Variants in CA10 observed in about 807,000 individuals in gnomAD.
CA10 encodes carbonic anhydrase-related protein 10.
Under a neutral mutation model 44.2 loss-of-function variants are expected in CA10, and 14 were observed. The ratio of observed to expected loss-of-function variants is 0.32; its 90% CI spans 0.21 to 0.50. The LOEUF is 0.50. Ranked by LOEUF, CA10 falls within the 20% of genes least tolerant of loss-of-function variation. The pLI is 0.99. For synonymous variants in CA10, 159 were observed against 141.6 expected (o/e 1.12, Z -0.87); for missense variants, 350 against 409.7 (o/e 0.85, Z 1.26).
chr17:51,777,112 A>C (rs967985249), intron 3 of CA10, among the ~76,000 whole-genome samples: 2 of 152,238 alleles, frequency 1.3e-5, no homozygotes, highest in Non-Finnish European at 2.9e-5. Flanking sequence ...GAGAGAAATC[A>C]AATATGATTT....
At chr17:52,123,950 A>G (rs1989066795) in intron 1 of CA10, among the ~76,000 whole-genome samples, 2 of 152,194 alleles carry the variant, frequency 1.3e-5, no homozygotes, top group South Asian at 4.2e-4. Context: ...AAGAACAATC[A>G]TTAAGAGACA....
intron 4 of CA10, among the ~76,000 whole-genome samples, chr17:51,734,183 G>C (rs991231250): frequency 2.7e-5 from 4 of 146,534 alleles, no homozygotes; most frequent in African/African-American, 5.0e-5. Flanking sequence ...TTGGTTGGGG[G>C]GGGGGGGTTC....
chr17:51,661,815 A>C (rs1309475455), intron 4 of CA10: 1 of 152,258 alleles, frequency 6.6e-6, no homozygotes, highest in Non-Finnish European at 1.5e-5. Flanking sequence ...CGAATGGCTC[A>C]TACTGTAATT....
At chr17:51,750,966 G>A (rs1904871192) in intron 3 of CA10, among the ~76,000 whole-genome samples, 1 of 152,204 alleles carries the variant, frequency 6.6e-6, no homozygotes, top group Admixed American at 6.5e-5. Flanking sequence ...ACTGGCACAA[G>A]TAGGTGGAAA....
intron 3 of CA10, among the ~76,000 whole-genome samples, chr17:51,887,239 G>A (rs1234874023): frequency 6.6e-6 from 1 of 151,900 alleles, no homozygotes; most frequent in Non-Finnish European, 1.5e-5. Flanking sequence ...TCAAGTTAGG[G>A]TCTTCTTAAA....
At chr17:51,727,121 C>G (rs1916553109) in intron 4 of CA10, among the ~76,000 whole-genome samples, 1 of 152,156 alleles carries the variant, frequency 6.6e-6, no homozygotes, top group Admixed American at 6.5e-5. Flanking sequence ...TTGGGGGAGG[C>G]AAGTTTGTAT....
chr17:51,684,412 G>A (rs573037083), intron 4 of CA10, among the ~76,000 whole-genome samples: 33 of 152,278 alleles, frequency 2.2e-4, no homozygotes, highest in East Asian at 2.1e-3. Flanking sequence ...CACCCCCACC[G>A]TTCCCAGTGT....
chr17:52,026,980 G>T (rs1373438848), intron 2 of CA10, among the ~76,000 whole-genome samples: 1 of 151,982 alleles, frequency 6.6e-6, no homozygotes, highest in Non-Finnish European at 1.5e-5. Context: ...TTTATTGTGT[G>T]CTTGATTTCT....
At chr17:52,096,644 T>C (rs770147228) in intron 1 of CA10, among the ~76,000 whole-genome samples, 2 of 152,152 alleles carry the variant, frequency 1.3e-5, no homozygotes, top group Non-Finnish European at 2.9e-5. Flanking sequence ...GGAAGAGCCA[T>C]TGATATTTTG....
chr17:51,899,540 T>A (rs556134080), intron 3 of CA10, among the ~76,000 whole-genome samples: 1 of 152,058 alleles, frequency 6.6e-6, no homozygotes, highest in East Asian at 1.9e-4. Flanking sequence ...TTGGGTGGAG[T>A]GTTCTGTAGG....
At chr17:51,842,073 T>C (rs1007345574) in intron 3 of CA10, among the ~76,000 whole-genome samples, 1 of 152,208 alleles carries the variant, frequency 6.6e-6, no homozygotes, top group Admixed American at 6.5e-5. Context: ...ATGGGATTCC[T>C]GTGATAGTCT....
chr17:51,729,337 T>G (rs1044521663), intron 4 of CA10, among the ~76,000 whole-genome samples: 3 of 151,870 alleles, frequency 2.0e-5, no homozygotes, highest in Admixed American at 2.0e-4. Context: ...GCTTAAACTT[T>G]TTTGTGTGTG....
chr17:51,944,361 C>T (rs1983195066), intron 2 of CA10, among the ~76,000 whole-genome samples: 1 of 152,180 alleles, frequency 6.6e-6, no homozygotes, highest in Admixed American at 6.5e-5. Context: ...TGCCAGCAAC[C>T]AGACCCTGCC....
At chr17:51,899,708 T>C (rs1406878520) in intron 3 of CA10, among the ~76,000 whole-genome samples, 1 of 152,106 alleles carries the variant, frequency 6.6e-6, no homozygotes, top group Non-Finnish European at 1.5e-5. Flanking sequence ...TCTAAGAACT[T>C]GTTTTATGAA....
rs569192858 is a variant in CA10, at chr17:51,971,347, A to G, written c.137-40215T>C. On this transcript the variant is annotated intron_variant, in intron 2 of 8. Coordinates refer to ENST00000451037, the MANE Select transcript of CA10 (RefSeq NM_020178.5). ...GAACTTCTACCCAGAAATTTCTTTC[A>G]TAAGAAGCACAAAATACTTAGTGAG... Among the ~76,000 whole-genome samples, 170 of 152,248 alleles carry G rather than the reference A, an allele frequency of 1.1e-3. 2 individuals carry two copies. Among genetic ancestry groups the G allele is most frequent in the Middle Eastern group, 3.4e-3 (1 of 292 alleles).
intron 2 of CA10, among the ~76,000 whole-genome samples, chr17:52,018,374 G>A (rs1010820743): frequency 1.3e-5 from 2 of 152,100 alleles, no homozygotes; most frequent in African/African-American, 4.8e-5. Context: ...AAAGCCATAG[G>A]GACAGGCCAG....
chr17:52,030,514 T>A (rs746535351), intron 2 of CA10, among the ~76,000 whole-genome samples: 1 of 152,180 alleles, frequency 6.6e-6, no homozygotes, highest in Non-Finnish European at 1.5e-5. Context: ...TTTCCATCTC[T>A]GCTCTAAATA....
chr17:51,640,654 A>G (rs568128729), intron 6 of CA10, among the ~76,000 whole-genome samples: 1 of 152,258 alleles, frequency 6.6e-6, no homozygotes, highest in South Asian at 2.1e-4. Flanking sequence ...TGTATGTTTG[A>G]TAGGACAGAA....
intron 2 of CA10, among the ~76,000 whole-genome samples, chr17:51,961,131 AC>A (rs1466756678): frequency 6.6e-6 from 1 of 151,236 alleles, no homozygotes; most frequent in Non-Finnish European, 1.5e-5. Context: ...TCTAGCCAGA[AC>A]CCACGATTGC....
Sources: allele counts gnomAD v4.1 joint callset (sites outside exome capture counted in the v4.1 genomes callset), GRCh38; gene constraint gnomAD v4.1.1; transcripts MANE v1.5; gene names NCBI Gene and HGNC (gene_info 2026-07-23, HGNC 2026-07-21).